CFAP44: variants seen among roughly 807,000 people sequenced by gnomAD.
CFAP44 encodes cilia and flagella associated protein 44, also known as cilia- and flagella-associated protein 44.
In CFAP44, 134 loss-of-function variants were observed where a neutral mutation model predicts 216.2. The ratio of observed to expected loss-of-function variants is 0.62; its 90% CI spans 0.54 to 0.72. The LOEUF (loss-of-function observed/expected upper bound fraction) is 0.72, where lower values mean the gene tolerates loss of function less well. Among genes scored for constraint, CFAP44 ranks in the 30% least tolerant of loss-of-function variants. The pLI is 0.00. For missense variants in CFAP44, 2,035 were observed against 2,182.1 expected (o/e 0.93, Z 1.34); for synonymous variants, 700 against 727.6 (o/e 0.96, Z 0.61).
intron 1 of CFAP44, among the ~76,000 whole-genome samples, chr3:113,438,189 T>A (rs9824060): frequency 0.41 from 62,062 of 152,064 alleles, 12,767 homozygotes; most frequent in East Asian, 0.54. Flanking sequence ...ACTATACTCC[T>A]AGATATTCTC....
At chr3:113,394,657 A>G (rs1559934260) in intron 15 of CFAP44, among the ~76,000 whole-genome samples, 3 of 152,164 alleles carry the variant, frequency 2.0e-5, no homozygotes, top group Non-Finnish European at 4.4e-5. Flanking sequence ...CCTGGGCCAC[A>G]CTGCAAAAAG....
At chr3:113,395,609 G>A in intron 15 of CFAP44, 141 bp downstream of exon 15, 1 of 638,096 alleles carries the variant, frequency 1.6e-6, no homozygotes, top group Non-Finnish European at 2.6e-6. Flanking sequence ...AGCCACCTGA[G>A]CTTTCTGTTG....
At chr3:113,409,997 C>T (rs968886222) in intron 6 of CFAP44, among the ~76,000 whole-genome samples, 1 of 152,134 alleles carries the variant, frequency 6.6e-6, no homozygotes, top group Admixed American at 6.5e-5. Flanking sequence ...ATTGCCCACC[C>T]GTTTCCTGTC....
chr3:113,381,510 C>T (rs1006829387), intron 15 of CFAP44, among the ~76,000 whole-genome samples: 3 of 152,260 alleles, frequency 2.0e-5, no homozygotes, highest in South Asian at 4.2e-4. Flanking sequence ...GTTTAACAAA[C>T]GTGGATGTTC....
At position 113,396,573 on chromosome 3, in the gene CFAP44, G is replaced by A; in HGVS notation, c.1724C>T (p.Thr575Ile). The A allele has an allele frequency of 6.2e-7, 1 of 1,614,126 alleles. No homozygotes were observed. The highest frequency in any genetic ancestry group is 8.5e-7 in the Non-Finnish European group (1 of 1,180,014). Residue 575 changes from threonine to isoleucine, a missense_variant, in exon 14 of 35, where the codon ACT (threonine) becomes ATT (isoleucine). By Grantham distance (89) the Thr-to-Ile change is moderately conservative (BLOSUM62 -1). Around this residue, in one of 3 missense-constraint regions of CFAP44, gnomAD observed 1,883 missense variants for 2,023.7 expected, o/e 0.93. Transcript: ENST00000393845. ...ATAAGCTAAAGCAGTGACACAAGCA[G>A]TATGGGGTTTGAAAACCTGTTTCAA... ...IQLKQVFKPH[T>I]ACVTALAYER...
Position 113,296,718 on chromosome 3 carries a change from T to C in CFAP44, c.5238+7A>G, listed in dbSNP as rs1373517849. 5.2e-6 allele frequency: 8 copies of C among 1,536,236 alleles called. No individual in the cohort carries two copies. The highest frequency in any genetic ancestry group is 1.4e-5 in the African/African-American group (1 of 72,998). On this transcript the variant is annotated splice_region_variant and intron_variant, in intron 33 of 34. Coordinates refer to ENST00000393845, the MANE Select transcript of CFAP44 (RefSeq NM_001164496.2). ...CAACCAAAGATCAACCCCCTTCTCT[T>C]CCTTACCTCCCACATCTTCATCTCT...
chr3:113,421,176 G>T (rs1186177312), intron 4 of CFAP44, among the ~76,000 whole-genome samples: 2 of 152,104 alleles, frequency 1.3e-5, no homozygotes, highest in East Asian at 3.9e-4. Context: ...CTAAAAAGCA[G>T]GCAGAGGACT....
At chr3:113,303,842 G>A in intron 32 of CFAP44, 74 bp downstream of exon 32, 1 of 1,463,116 alleles carries the variant, frequency 6.8e-7, no homozygotes, top group South Asian at 1.3e-5. Context: ...TTTCACAGTT[G>A]GAGACAGTCA....
chr3:113,330,718 A>C (rs1258339661), intron 25 of CFAP44, 50 bp from the exon 26 acceptor site: 1 of 1,475,816 alleles, frequency 6.8e-7, no homozygotes, highest in East Asian at 2.5e-5. Flanking sequence ...CTGACAAATA[A>C]CTGTATGGAA....
At chr3:113,428,071 G>T (rs1259359014) in intron 2 of CFAP44, among the ~76,000 whole-genome samples, 1 of 152,226 alleles carries the variant, frequency 6.6e-6, no homozygotes, top group East Asian at 1.9e-4. Flanking sequence ...GAACAGGGCA[G>T]AGTTCCTTAG....
At chr3:113,318,894 A>G (rs1950114741) in intron 28 of CFAP44, among the ~76,000 whole-genome samples, 1 of 152,136 alleles carries the variant, frequency 6.6e-6, no homozygotes, top group Non-Finnish European at 1.5e-5. Context: ...ATAAGTTTCA[A>G]CTAGACCAGT....
chr3:113,438,742 CT>C (rs1251159111), intron 1 of CFAP44, among the ~76,000 whole-genome samples: 1 of 152,128 alleles, frequency 6.6e-6, no homozygotes, highest in Non-Finnish European at 1.5e-5. Context: ...CTTATTTTTT[CT>C]TCCGAGAACA....
At chr3:113,297,826 T>C (rs1949897020) in intron 32 of CFAP44, among the ~76,000 whole-genome samples, 1 of 152,244 alleles carries the variant, frequency 6.6e-6, no homozygotes, top group African/African-American at 2.4e-5. Flanking sequence ...AAGGCCTTAA[T>C]ATGCAGCAAG....
At chr3:113,307,824 C>CA (rs1362531165) in intron 29 of CFAP44, among the ~76,000 whole-genome samples, 1 of 151,972 alleles carries the variant, frequency 6.6e-6, no homozygotes, top group Non-Finnish European at 1.5e-5. Context: ...AAAAAAAATA[C>CA]AAAAAATTAG....
At chr3:113,302,772 C>CAAA (rs57355375) in intron 32 of CFAP44, among the ~76,000 whole-genome samples, 1,500 of 44,440 alleles carry the variant, frequency 0.034, 21 homozygotes, top group East Asian at 0.097. Context: ...GACTCCATCT[C>CAAA]AAAAAAAAAA....
At chr3:113,396,069 A>C (rs1339416906) in intron 14 of CFAP44, among the ~76,000 whole-genome samples, 1 of 152,192 alleles carries the variant, frequency 6.6e-6, no homozygotes, top group Non-Finnish European at 1.5e-5. Flanking sequence ...TGTGGTTCTG[A>C]AAATATGATC....
At chr3:113,410,148 TTTTC>T (rs1030115084) in intron 6 of CFAP44, among the ~76,000 whole-genome samples, 2 of 151,624 alleles carry the variant, frequency 1.3e-5, no homozygotes, top group African/African-American at 4.8e-5. Flanking sequence ...AATAAACTTG[TTTTC>T]TTTTTTTTTT....
Position 113,380,967 on chromosome 3 carries a change from C to T in CFAP44, c.1984G>A (p.Val662Ile), listed in dbSNP as rs1219931680. The T allele has an allele frequency of 1.3e-6, 2 of 1,598,424 alleles. No homozygotes were observed. The highest frequency in any genetic ancestry group is 4.5e-5 in the East Asian group (2 of 43,986). The change falls in exon 16 of 35, where the codon GTC (valine) becomes ATC (isoleucine). Residue 662 changes from valine to isoleucine, a missense_variant. This residue lies in a region of CFAP44 where 1,883 missense variants were observed against 2,023.7 expected (regional missense o/e 0.93). Coordinates refer to ENST00000393845, the MANE Select transcript of CFAP44 (RefSeq NM_001164496.2). The stretch of plus-strand genomic sequence containing the variant: ...CACATGTCTTTGATTTCATAGGAGA[C>T]TACATCATGATCATCCTCTTCTTGC... Reference protein sequence around the residue: ...IKQEEDDHDVVSYEIKDMCIK... With the variant: ...IKQEEDDHDVISYEIKDMCIK...
rs532063251 is a variant in CFAP44 at position 113,419,551 on chromosome 3, T to A, written c.570+466A>T. Among the ~76,000 whole-genome samples, 42 of 152,362 alleles carry A rather than the reference T, an allele frequency of 2.8e-4. 1 individual carries two copies. The South Asian group carries it at 3.7e-3, about 14-fold the overall frequency. ...ATCAAGAAAGAAACAAACATGATAGTATCTTTCACTCCATATATCTCAACA... is the reference window on the plus strand; with the variant it reads ...ATCAAGAAAGAAACAAACATGATAGAATCTTTCACTCCATATATCTCAACA... On this transcript the variant is annotated intron_variant, in intron 5 of 34. Transcript: ENST00000393845.
Sources: allele counts gnomAD v4.1 joint callset (sites outside exome capture counted in the v4.1 genomes callset), GRCh38; gene constraint gnomAD v4.1.1; regional missense constraint gnomAD v4.1.1; transcripts MANE v1.5; gene names NCBI Gene and HGNC (gene_info 2026-07-23, HGNC 2026-07-21).